The following CCDC83 variants were observed in gnomAD, a reference collection of about 807,000 sequenced individuals.
The protein encoded by CCDC83 is coiled-coil domain containing 83, also known as coiled-coil domain-containing protein 83.
In CCDC83, 54 loss-of-function variants were observed where a neutral mutation model predicts 50.1. The observed-to-expected ratio is 1.08, with a 90% CI of 0.87 to 1.35. CCDC83 has a LOEUF of 1.35. Among genes scored for constraint, CCDC83 ranks in the 40% most tolerant of loss-of-function variants. The pLI is 0.00. For missense variants in CCDC83, 518 were observed against 473.9 expected, an observed-to-expected ratio of 1.09 and a Z score of -0.86; for synonymous variants, 161 against 153.3, an observed-to-expected ratio of 1.05 and a Z score of -0.37.
intron 1 of CCDC83, among the ~76,000 whole-genome samples, chr11:85,861,800 G>A (rs2093177459): frequency 6.6e-6 from 1 of 151,682 alleles, no homozygotes; most frequent in African/African-American, 2.4e-5. Flanking sequence ...CTTGAGCTCA[G>A]GAGTTCAAGA....
intron 7 of CCDC83, among the ~76,000 whole-genome samples, chr11:85,906,922 A>T (rs906985546): frequency 5.3e-5 from 8 of 151,664 alleles, no homozygotes; most frequent in African/African-American, 1.7e-4. Context: ...TAAATTAAAT[A>T]AATAACAAAT....
chr11:85,860,623 A>G (rs2093170703), intron 1 of CCDC83, among the ~76,000 whole-genome samples: 1 of 152,208 alleles, frequency 6.6e-6, no homozygotes, highest in African/African-American at 2.4e-5. Flanking sequence ...CAACCCAGCA[A>G]TCTCGCTACT....
intron 3 of CCDC83, among the ~76,000 whole-genome samples, chr11:85,880,595 TA>T (rs944076995): frequency 1.3e-5 from 2 of 151,940 alleles, no homozygotes; most frequent in African/African-American, 4.8e-5. Flanking sequence ...ATTTTTTTTT[TA>T]ATCAGCGTTT....
At chr11:85,905,081 C>T (rs1194586253) in intron 7 of CCDC83, among the ~76,000 whole-genome samples, 1 of 149,848 alleles carries the variant, frequency 6.7e-6, no homozygotes, top group Non-Finnish European at 1.5e-5. Flanking sequence ...CAAATCACCT[C>T]AGGTCAAGAA....
At chr11:85,879,349 C>G (rs985063238) in intron 3 of CCDC83, among the ~76,000 whole-genome samples, 1 of 151,448 alleles carries the variant, frequency 6.6e-6, no homozygotes. Flanking sequence ...TTTTTTTCTA[C>G]CTGCAGATGT....
At chr11:85,877,461 A>T (rs1301412410) in intron 3 of CCDC83, among the ~76,000 whole-genome samples, 1 of 152,146 alleles carries the variant, frequency 6.6e-6, no homozygotes, top group African/African-American at 2.4e-5. Flanking sequence ...ACAGACTAAG[A>T]TCCTGTCTCT....
At chr11:85,893,732 C>T (rs1175542618) in intron 5 of CCDC83, among the ~76,000 whole-genome samples, 1 of 152,172 alleles carries the variant, frequency 6.6e-6, no homozygotes, top group Non-Finnish European at 1.5e-5. Context: ...CTATTGTGAA[C>T]TGCACATGTG....
intron 7 of CCDC83, among the ~76,000 whole-genome samples, chr11:85,901,390 T>C (rs1220369254): frequency 1.3e-5 from 2 of 151,646 alleles, no homozygotes; most frequent in East Asian, 1.9e-4. Flanking sequence ...CTGGGTAACA[T>C]AGTGAAACCC....
chr11:85,869,540 T>C (rs1335055704), intron 2 of CCDC83, among the ~76,000 whole-genome samples: 3 of 152,218 alleles, frequency 2.0e-5, no homozygotes, highest in East Asian at 3.8e-4. Flanking sequence ...GGGGGGAACA[T>C]TGACACATTA....
chr11:85,914,090 C>G (rs573261575), intron 8 of CCDC83, among the ~76,000 whole-genome samples: 1 of 152,160 alleles, frequency 6.6e-6, no homozygotes, highest in Admixed American at 6.5e-5. Context: ...TACTAAGGTA[C>G]CTTTACTAAA....
rs560670686 is a variant in CCDC83, at chr11:85,882,654, G to C, written c.322G>C (p.Asp108His). 8.7e-6 allele frequency: 14 copies of C among 1,613,168 alleles called. No homozygotes were observed. The African/African-American group carries it at 1.5e-4, about 17-fold the overall frequency. Residue 108 changes from aspartate to histidine, a missense_variant, in exon 4 of 11, where the codon GAC becomes CAC. Physicochemically the swap from Asp to His is moderately conservative, Grantham distance 81 (BLOSUM62 -1). Transcript: ENST00000342404. ...AMKEKWKFER[D>H]QEKNLRDMRM... ...GAAGGAAAAATGGAAGTTTGAAAGA[G>C]ACCAGGAAAAAAACTTGAGAGGTGA... is the stretch of plus-strand genomic sequence containing the variant.
At position 85,917,134 on chromosome 11, in the gene CCDC83, A is replaced by AAGAGAGAGAGAGAG. The variant is rs201907138; in HGVS notation, c.1080+923_1080+936dup. On this transcript the variant is annotated intron_variant, in intron 10 of 10. Transcript: ENST00000342404. ...AAGAAAGAAAGAAAAAAGAAAAAGA[A>AAGAGAGAGAGAGAG]AGAGAGAGAGAGAGAGAGAGAGAGA... Among the ~76,000 whole-genome samples, 322 of 77,956 alleles carry AAGAGAGAGAGAGAG rather than the reference A, an allele frequency of 4.1e-3. 1 individual carries two copies. Among genetic ancestry groups the AAGAGAGAGAGAGAG allele is most frequent in the African/African-American group, 0.011 (180 of 16,140 alleles). The allele number at this position is 77,956 out of a possible 152,430, so 51.1% of individuals were successfully genotyped here. A position where few individuals can be genotyped will look rare whatever the true frequency, so the allele number is the denominator to read the frequency against.
intron 1 of CCDC83, among the ~76,000 whole-genome samples, chr11:85,861,803 G>C (rs2093177485): frequency 1.3e-5 from 2 of 151,732 alleles, no homozygotes; most frequent in African/African-American, 4.8e-5. Context: ...GAGCTCAGGA[G>C]TTCAAGACCA....
chr11:85,917,160 GA>G (rs1565159941), intron 10 of CCDC83, among the ~76,000 whole-genome samples: 13 of 97,530 alleles, frequency 1.3e-4, no homozygotes, highest in South Asian at 3.1e-4. Flanking sequence ...GAGAGAGAGA[GA>G]GAGAGAGAAA....
At chr11:85,879,243 T>C (rs1217192042) in intron 3 of CCDC83, among the ~76,000 whole-genome samples, 1 of 152,216 alleles carries the variant, frequency 6.6e-6, no homozygotes, top group Non-Finnish European at 1.5e-5. Flanking sequence ...TGTTTTATTC[T>C]AAAATTTTTG....
At chr11:85,889,118 C>T (rs959489316) in intron 5 of CCDC83, among the ~76,000 whole-genome samples, 10 of 152,178 alleles carry the variant, frequency 6.6e-5, no homozygotes, top group African/African-American at 2.2e-4. Flanking sequence ...TTGGGGGGTC[C>T]ACGGTGGATG....
intron 5 of CCDC83, among the ~76,000 whole-genome samples, chr11:85,892,162 G>C (rs1256028543): frequency 6.6e-6 from 1 of 152,214 alleles, no homozygotes; most frequent in Non-Finnish European, 1.5e-5. Flanking sequence ...AGCAGGGAAG[G>C]TGGAACAGTG....
chr11:85,911,750 G>C (rs1001840307), intron 8 of CCDC83, among the ~76,000 whole-genome samples: 3 of 152,212 alleles, frequency 2.0e-5, no homozygotes, highest in Non-Finnish European at 2.9e-5. Context: ...GAGGTAGAGA[G>C]TTAGCACAGA....
chr11:85,875,768 A>G (rs1391967910), intron 3 of CCDC83, among the ~76,000 whole-genome samples: 1 of 152,228 alleles, frequency 6.6e-6, no homozygotes, highest in Admixed American at 6.5e-5. Context: ...TTTCAAAATC[A>G]GAAATGCCCC....
Sources: allele counts gnomAD v4.1 joint callset (sites outside exome capture counted in the v4.1 genomes callset), GRCh38; gene constraint gnomAD v4.1.1; transcripts MANE v1.5; gene names NCBI Gene and HGNC (gene_info 2026-07-23, HGNC 2026-07-21).